FBXL17: variants seen among roughly 807,000 people sequenced by gnomAD.
FBXL17 encodes the protein F-box and leucine rich repeat protein 17.
Under a neutral mutation model 66.2 loss-of-function variants are expected in FBXL17, and 22 were observed. That is an observed-to-expected ratio of 0.33 (90% CI 0.24 to 0.47). The LOEUF (loss-of-function observed/expected upper bound fraction) is 0.47. Among genes scored for constraint, FBXL17 ranks in the 20% least tolerant of loss-of-function variants. The pLI is 1.00. For missense variants in FBXL17, 878 were observed against 948.2 expected (o/e 0.93, Z 0.97); for synonymous variants, 474 against 400.5 (o/e 1.18, Z -2.19).
intron 7 of FBXL17, among the ~76,000 whole-genome samples, chr5:107,949,492 G>A (rs1010349818): frequency 6.6e-6 from 1 of 152,116 alleles, no homozygotes; most frequent in South Asian, 2.1e-4. Context: ...ATGTTTTAAT[G>A]AGCAGGGCTG....
chr5:108,254,924 C>T (rs1232372506), intron 4 of FBXL17, among the ~76,000 whole-genome samples: 1 of 152,192 alleles, frequency 6.6e-6, no homozygotes, highest in Non-Finnish European at 1.5e-5. Context: ...TAATATGACA[C>T]TATGCAATCT....
chr5:108,025,720 C>T (rs1392514998), intron 6 of FBXL17, among the ~76,000 whole-genome samples: 5 of 122,472 alleles, frequency 4.1e-5, no homozygotes, highest in African/African-American at 9.5e-5. Flanking sequence ...CACACACACG[C>T]GCGCGCGCAC....
intron 7 of FBXL17, among the ~76,000 whole-genome samples, chr5:107,942,961 G>C (rs77405938): frequency 3.9e-4 from 59 of 152,230 alleles, no homozygotes; most frequent in African/African-American, 1.4e-3. Context: ...ACACTTTTCA[G>C]GTCCTCGTTT....
intron 5 of FBXL17, among the ~76,000 whole-genome samples, chr5:108,205,931 T>A (rs562673453): frequency 1.2e-3 from 186 of 152,196 alleles, no homozygotes; most frequent in African/African-American, 4.4e-3. Flanking sequence ...GCAAGAATAC[T>A]ATATAAATGA....
At chr5:108,312,993 T>C (rs1759194807) in intron 4 of FBXL17, among the ~76,000 whole-genome samples, 1 of 152,262 alleles carries the variant, frequency 6.6e-6, no homozygotes, top group Non-Finnish European at 1.5e-5. Flanking sequence ...ATCATGTTTT[T>C]AAATAAAGGG....
intron 6 of FBXL17, among the ~76,000 whole-genome samples, chr5:108,176,138 T>C (rs946232450): frequency 1.3e-5 from 2 of 152,176 alleles, no homozygotes; most frequent in Non-Finnish European, 2.9e-5. Context: ...ATTTTCTTCA[T>C]TGTTGGCAAT....
chr5:108,157,996 A>G (rs1312672466), intron 6 of FBXL17, among the ~76,000 whole-genome samples: 3 of 152,110 alleles, frequency 2.0e-5, no homozygotes, highest in Non-Finnish European at 4.4e-5. Flanking sequence ...GTAAATAATC[A>G]AACTTTACTT....
intron 6 of FBXL17, among the ~76,000 whole-genome samples, chr5:108,027,144 C>T (rs981175939): frequency 2.0e-5 from 3 of 152,110 alleles, no homozygotes; most frequent in African/African-American, 7.2e-5. Flanking sequence ...ATACATTTTT[C>T]TTCATTTATA....
At chr5:108,004,428 TGA>T (rs1171464158) in intron 7 of FBXL17, among the ~76,000 whole-genome samples, 2 of 152,192 alleles carry the variant, frequency 1.3e-5, no homozygotes, top group Non-Finnish European at 2.9e-5. Context: ...AATCATTACA[TGA>T]TAGAAATAAA....
At chr5:108,154,612 T>TACAC (rs1407716122) in intron 6 of FBXL17, among the ~76,000 whole-genome samples, 11 of 95,436 alleles carry the variant, frequency 1.2e-4, no homozygotes, top group African/African-American at 5.3e-4. Context: ...AAAAAATATA[T>TACAC]ATATACACAC....
At chr5:108,113,622 C>A (rs937307397) in intron 6 of FBXL17, among the ~76,000 whole-genome samples, 4 of 151,986 alleles carry the variant, frequency 2.6e-5, no homozygotes, top group African/African-American at 9.7e-5. Context: ...TCAGAGGCAC[C>A]ATTAAAAAGT....
At chr5:107,960,903 GAAGT>G (rs1455970165) in intron 7 of FBXL17, among the ~76,000 whole-genome samples, 1 of 152,176 alleles carries the variant, frequency 6.6e-6, no homozygotes, top group Non-Finnish European at 1.5e-5. Context: ...CAAAGAAGGG[GAAGT>G]AAGTATACAT....
intron 3 of FBXL17, among the ~76,000 whole-genome samples, chr5:108,359,069 A>G (rs1580885480): frequency 6.6e-6 from 1 of 151,934 alleles, no homozygotes; most frequent in African/African-American, 2.4e-5. Flanking sequence ...AAATTTTTCC[A>G]TTTCTTCTAG....
chr5:108,299,488 T>C (rs965628942), intron 4 of FBXL17: 19 of 934,490 alleles, frequency 2.0e-5, no homozygotes, highest in South Asian at 5.0e-5. Context: ...CTAAAAGTTA[T>C]TGAATAAGGA....
At chr5:108,371,473 G>C (rs1205528095) in intron 1 of FBXL17, among the ~76,000 whole-genome samples, 1 of 152,180 alleles carries the variant, frequency 6.6e-6, no homozygotes, top group Non-Finnish European at 1.5e-5. Flanking sequence ...AATAAAACAC[G>C]ATTTACAAAA....
intron 7 of FBXL17, among the ~76,000 whole-genome samples, chr5:107,989,897 A>C (rs10044064): frequency 3.9e-5 from 6 of 152,004 alleles, no homozygotes; most frequent in Admixed American, 2.6e-4. Flanking sequence ...TACTGATTGG[A>C]ACTGTTCCTG....
chr5:108,308,570 G>C (rs1353502466), intron 4 of FBXL17, among the ~76,000 whole-genome samples: 1 of 151,908 alleles, frequency 6.6e-6, no homozygotes, highest in African/African-American at 2.4e-5. Flanking sequence ...TTCTAATTTG[G>C]GAAGAAAACC....
intron 7 of FBXL17, among the ~76,000 whole-genome samples, chr5:108,007,425 C>T (rs1333064421): frequency 3.9e-5 from 6 of 152,014 alleles, no homozygotes; most frequent in Non-Finnish European, 7.4e-5. Flanking sequence ...GGAAGGGATC[C>T]GATCTTTCCT....
chr5:108,234,270 G>A (rs534878059), intron 4 of FBXL17, among the ~76,000 whole-genome samples: 4 of 152,114 alleles, frequency 2.6e-5, no homozygotes, highest in Non-Finnish European at 5.9e-5. Flanking sequence ...CCGGGTTGAA[G>A]AGAGAATAGA....
Sources: allele counts gnomAD v4.1 joint callset (sites outside exome capture counted in the v4.1 genomes callset), GRCh38; gene constraint gnomAD v4.1.1; transcripts MANE v1.5; gene names NCBI Gene and HGNC (gene_info 2026-07-23, HGNC 2026-07-21).